The following NUFIP1 variants were observed in gnomAD, a reference collection of about 807,000 sequenced individuals.
The protein encoded by NUFIP1 is nuclear FMR1 interacting protein 1.
Under a neutral mutation model 56.2 loss-of-function variants are expected in NUFIP1, and 38 were observed. The ratio of observed to expected loss-of-function variants is 0.68; its 90% confidence interval spans 0.52 to 0.89. The LOEUF (loss-of-function observed/expected upper bound fraction) is 0.89. Among genes scored for constraint, NUFIP1 ranks in the 40% least tolerant of loss-of-function variants. NUFIP1 has a pLI of 0.00. For missense variants in NUFIP1, 567 were observed against 605.8 expected (o/e 0.94, Z 0.67); for synonymous variants, 215 against 212.4 (o/e 1.01, Z -0.10).
intron 1 of NUFIP1, among the ~76,000 whole-genome samples, chr13:44,986,507 T>C (rs148825276): frequency 6.6e-6 from 1 of 151,906 alleles, no homozygotes. Context: ...CTGGCTAACA[T>C]GGTGAAACCC....
chr13:44,941,427 TAAGA>T (rs1489902800), intron 9 of NUFIP1, 105 bp from the exon 10 acceptor site: 8 of 629,794 alleles, frequency 1.3e-5, no homozygotes, highest in Non-Finnish European at 1.9e-5. Context: ...GACAGAACAA[TAAGA>T]AATATGTATT....
chr13:44,947,667 G>A (rs1870944152), intron 8 of NUFIP1, among the ~76,000 whole-genome samples: 1 of 152,156 alleles, frequency 6.6e-6, no homozygotes, highest in Admixed American at 6.5e-5. Context: ...TAAAAATACT[G>A]TTCCATCTTA....
intron 1 of NUFIP1, 47 bp downstream of exon 1, chr13:44,988,978 C>A: frequency 6.3e-7 from 1 of 1,589,866 alleles, no homozygotes; most frequent in Non-Finnish European, 8.6e-7. Flanking sequence ...GAGGAAAGAA[C>A]GGGGGAAAAA....
At chr13:44,953,232 T>C (rs183299783) in intron 7 of NUFIP1, among the ~76,000 whole-genome samples, 100 of 152,320 alleles carry the variant, frequency 6.6e-4, no homozygotes, top group Non-Finnish European at 1.3e-3. Flanking sequence ...TCAAAGAATT[T>C]TCGACATATG....
chr13:44,976,141 T>C (rs1339348243), intron 5 of NUFIP1, among the ~76,000 whole-genome samples: 1 of 152,186 alleles, frequency 6.6e-6, no homozygotes, highest in East Asian at 1.9e-4. Context: ...AAAAACCTAG[T>C]GTCTTAGCAG....
intron 1 of NUFIP1, among the ~76,000 whole-genome samples, chr13:44,988,240 G>A (rs1872492661): frequency 6.6e-6 from 1 of 152,202 alleles, no homozygotes; most frequent in African/African-American, 2.4e-5. Flanking sequence ...CCAACACGGG[G>A]CAACCCCCTT....
At chr13:44,972,060 T>C (rs921652130) in intron 5 of NUFIP1, among the ~76,000 whole-genome samples, 3 of 152,210 alleles carry the variant, frequency 2.0e-5, no homozygotes, top group African/African-American at 7.2e-5. Flanking sequence ...CATGCTCAAA[T>C]AGGCTTATCT....
intron 5 of NUFIP1, among the ~76,000 whole-genome samples, chr13:44,977,347 G>A (rs1270301182): frequency 6.6e-6 from 1 of 152,156 alleles, no homozygotes; most frequent in Non-Finnish European, 1.5e-5. Context: ...AGGGTAGTGT[G>A]TTTCAGGGAC....
At chr13:44,965,697 AAAAT>A in intron 6 of NUFIP1, 143 bp downstream of exon 6, 1 of 291,704 alleles carries the variant, frequency 3.4e-6, no homozygotes, top group Non-Finnish European at 5.9e-6. Flanking sequence ...CCATCTCAAA[AAAAT>A]AAATAAATAA....
chr13:44,973,272 A>G (rs1023737525), intron 5 of NUFIP1, among the ~76,000 whole-genome samples: 1 of 152,248 alleles, frequency 6.6e-6, no homozygotes, highest in African/African-American at 2.4e-5. Flanking sequence ...CTATGTAGTG[A>G]GAATTTAATG....
chr13:44,958,164 T>C lies in NUFIP1; in HGVS notation c.1021+1217A>G, dbSNP rs1043415036. Among the ~76,000 whole-genome samples the C allele has an allele frequency of 9.9e-5, 15 of 152,206 alleles. 1 individual carries two copies. The highest frequency in any genetic ancestry group is 9.6e-5 in the African/African-American group (4 of 41,452). ...TCAGACTTCATATTTAGAGGATGTG[T>C]AGTGTACTGGTGGAGTGAGACTCAT... On this transcript the variant is annotated intron_variant, in intron 7 of 9. Transcript: ENST00000379161.
At chr13:44,980,534 C>G (rs771252854) in intron 3 of NUFIP1, among the ~76,000 whole-genome samples, 188 bp downstream of exon 3, 3 of 152,218 alleles carry the variant, frequency 2.0e-5, no homozygotes, top group Non-Finnish European at 2.9e-5. Flanking sequence ...CATCTTACCT[C>G]GTCCCTGAAG....
intron 8 of NUFIP1, among the ~76,000 whole-genome samples, chr13:44,947,858 A>G (rs576458066): frequency 5.6e-4 from 85 of 152,294 alleles, no homozygotes; most frequent in African/African-American, 2.0e-3. Flanking sequence ...AAAAAATGCT[A>G]TTTTTCTTAA....
chr13:44,968,447 C>G (rs1415794900), intron 5 of NUFIP1, among the ~76,000 whole-genome samples: 1 of 148,162 alleles, frequency 6.7e-6, no homozygotes, highest in East Asian at 1.9e-4. Context: ...TCAGAAGAGA[C>G]TCAAAGATGA....
chr13:44,969,850 G>A (rs1172254247), intron 5 of NUFIP1, among the ~76,000 whole-genome samples: 4 of 152,028 alleles, frequency 2.6e-5, no homozygotes, highest in African/African-American at 7.3e-5. Flanking sequence ...CCCTCTGCCT[G>A]TTCTATAAAA....
At chr13:44,986,017 G>A (rs1327475766) in intron 1 of NUFIP1, among the ~76,000 whole-genome samples, 2 of 152,192 alleles carry the variant, frequency 1.3e-5, no homozygotes, top group African/African-American at 2.4e-5. Context: ...ATATAAAGGT[G>A]CAGTCATAGC....
intron 1 of NUFIP1, among the ~76,000 whole-genome samples, chr13:44,987,898 G>GTCTT (rs527533481): frequency 1.7e-3 from 253 of 152,264 alleles, no homozygotes; most frequent in African/African-American, 5.5e-3. Flanking sequence ...GACATACCAG[G>GTCTT]TCTTACCCTC....
chr13:44,943,951 A>G (rs1870832771), intron 8 of NUFIP1, among the ~76,000 whole-genome samples: 1 of 152,212 alleles, frequency 6.6e-6, no homozygotes, highest in South Asian at 2.1e-4. Context: ...ACTTGGATCT[A>G]TACAAAGGAA....
chr13:44,965,331 T>C (rs1300970779), intron 6 of NUFIP1, among the ~76,000 whole-genome samples: 2 of 152,194 alleles, frequency 1.3e-5, no homozygotes, highest in African/African-American at 2.4e-5. Flanking sequence ...CAGTCTCGGG[T>C]ATGTCTTTAT....
Sources: allele counts gnomAD v4.1 joint callset (sites outside exome capture counted in the v4.1 genomes callset), GRCh38; gene constraint gnomAD v4.1.1; transcripts MANE v1.5; gene names NCBI Gene and HGNC (gene_info 2026-07-23, HGNC 2026-07-21).